Variants in DNAJC1 observed in about 807,000 individuals in gnomAD.
The protein encoded by DNAJC1 is dnaJ homolog subfamily C member 1.
Under a neutral mutation model 76.6 loss-of-function variants are expected in DNAJC1, and 58 were observed. The ratio of observed to expected loss-of-function variants is 0.76; its 90% CI spans 0.61 to 0.94. The LOEUF (loss-of-function observed/expected upper bound fraction) is 0.94. Among genes scored for constraint, DNAJC1 ranks in the 40% least tolerant of loss-of-function variants. The probability of loss-of-function intolerance (pLI) is 0.00; values close to 1 mark genes in which losing one functional copy is unlikely to be tolerated. For missense variants in DNAJC1, 689 were observed against 677.3 expected (o/e 1.02, Z -0.19); for synonymous variants, 258 against 267.9 (o/e 0.96, Z 0.36).
intron 7 of DNAJC1, among the ~76,000 whole-genome samples, chr10:21,899,855 G>A (rs566863944): frequency 7.9e-4 from 120 of 152,284 alleles, no homozygotes; most frequent in Non-Finnish European, 1.5e-3. Context: ...CTGCTGAACC[G>A]CAGAGGCCAC....
In DNAJC1 at chr10:21,891,209, A is replaced by T. The variant is rs751276283; in HGVS notation, c.821-8770T>A. Among the ~76,000 whole-genome samples the T allele has an allele frequency of 9.9e-5, 15 of 152,174 alleles. 1 individual carries two copies. The highest frequency in any genetic ancestry group is 4.1e-4 in the South Asian group (2 of 4,820). On this transcript the variant is annotated intron_variant, in intron 7 of 11. Coordinates refer to ENST00000376980, the MANE Select transcript of DNAJC1 (RefSeq NM_022365.4). ...CATCTCAAAAAAATAAATAAATAAA[A>T]AATTACTTGACTGTGTTATCAAAGC... is the stretch of plus-strand genomic sequence containing the variant.
At chr10:21,840,481 A>G (rs1250903979) in intron 8 of DNAJC1, among the ~76,000 whole-genome samples, 2 of 152,230 alleles carry the variant, frequency 1.3e-5, no homozygotes, top group Non-Finnish European at 2.9e-5. Flanking sequence ...GAGCCAAATC[A>G]TGAGTGAAAT....
chr10:21,999,571 C>T (rs1838483354), intron 1 of DNAJC1, among the ~76,000 whole-genome samples: 1 of 150,470 alleles, frequency 6.6e-6, no homozygotes, highest in South Asian at 2.1e-4. Flanking sequence ...TTCTCTACCT[C>T]AGCCTCCCGA....
intron 9 of DNAJC1, among the ~76,000 whole-genome samples, chr10:21,802,996 A>C (rs948232934): frequency 2.0e-5 from 3 of 152,156 alleles, no homozygotes; most frequent in Non-Finnish European, 2.9e-5. Flanking sequence ...TCTGAATTAA[A>C]ATATACTCGG....
At chr10:21,891,456 A>C (rs1294041769) in intron 7 of DNAJC1, among the ~76,000 whole-genome samples, 2 of 149,930 alleles carry the variant, frequency 1.3e-5, no homozygotes, top group African/African-American at 2.5e-5. Flanking sequence ...TAAAGTGCCC[A>C]ATCTGAAAAA....
intron 9 of DNAJC1, among the ~76,000 whole-genome samples, chr10:21,803,134 T>G (rs1834832344): frequency 6.6e-6 from 1 of 151,890 alleles, no homozygotes; most frequent in South Asian, 2.1e-4. Context: ...AATAAAAAGG[T>G]TTTTAACTGT....
At chr10:21,857,627 G>A (rs954190963) in intron 8 of DNAJC1, among the ~76,000 whole-genome samples, 2 of 152,126 alleles carry the variant, frequency 1.3e-5, no homozygotes, top group South Asian at 2.1e-4. Flanking sequence ...TAGGGGATGT[G>A]TGTATATGTA....
In DNAJC1 at chr10:21,806,030, G is replaced by C; in HGVS notation, c.1048C>G (p.Pro350Ala). 6.2e-7 allele frequency: 1 copy of C among 1,611,876 alleles called. No individual in the cohort carries two copies. Among genetic ancestry groups the C allele is most frequent in the East Asian group, 2.2e-5 (1 of 44,870 alleles). ...TGGGCAATCTTTTCCCATCGACCTG[G>C]AGTCCCTCCTGGGAACTTAACCATA... ...RSMVKFPGGTPGRWEKIAHEL... is the reference protein window; with the variant it reads ...RSMVKFPGGTAGRWEKIAHEL... The change falls in exon 9 of 12, where the codon CCA becomes GCA. Residue 350 changes from proline (P) to alanine (A), a missense_variant. Coordinates refer to ENST00000376980, the MANE Select transcript of DNAJC1 (RefSeq NM_022365.4).
At chr10:21,834,781 C>T (rs1835422591) in intron 8 of DNAJC1, among the ~76,000 whole-genome samples, 2 of 152,184 alleles carry the variant, frequency 1.3e-5, no homozygotes, top group Admixed American at 6.5e-5. Context: ...GGAGGGGCAC[C>T]CGCCATTGCC....
At chr10:21,942,630 C>T (rs921141486) in intron 1 of DNAJC1, among the ~76,000 whole-genome samples, 4 of 151,654 alleles carry the variant, frequency 2.6e-5, no homozygotes, top group Admixed American at 6.6e-5. Context: ...CACAGTGAAA[C>T]GCCGTCTCTA....
intron 8 of DNAJC1, among the ~76,000 whole-genome samples, chr10:21,861,413 T>A (rs886898715): frequency 1.3e-5 from 2 of 152,134 alleles, no homozygotes; most frequent in Non-Finnish European, 2.9e-5. Flanking sequence ...ATTAATATTA[T>A]ATATAAATGA....
At chr10:21,996,682 C>T (rs1399570773) in intron 1 of DNAJC1, among the ~76,000 whole-genome samples, 1 of 151,938 alleles carries the variant, frequency 6.6e-6, no homozygotes, top group Admixed American at 6.6e-5. Context: ...CTGAGAATAG[C>T]ATAAAAGGAA....
intron 1 of DNAJC1, among the ~76,000 whole-genome samples, chr10:21,932,295 G>A (rs1164492983): frequency 2.6e-5 from 4 of 152,126 alleles, no homozygotes; most frequent in Non-Finnish European, 5.9e-5. Flanking sequence ...AGCCACGATT[G>A]CACCACTACA....
intron 1 of DNAJC1, among the ~76,000 whole-genome samples, chr10:21,953,038 C>A (rs1837623604): frequency 6.6e-6 from 1 of 152,106 alleles, no homozygotes; most frequent in African/African-American, 2.4e-5. Flanking sequence ...ATGACAACTT[C>A]CCTTCAATAT....
intron 1 of DNAJC1, among the ~76,000 whole-genome samples, chr10:21,945,878 T>C (rs1323014580): frequency 1.3e-5 from 2 of 152,142 alleles, no homozygotes; most frequent in Non-Finnish European, 2.9e-5. Context: ...AGAGGATCAA[T>C]AGTGATTAAT....
At chr10:21,823,964 A>C (rs917826943) in intron 8 of DNAJC1, among the ~76,000 whole-genome samples, 2 of 152,180 alleles carry the variant, frequency 1.3e-5, no homozygotes, top group Non-Finnish European at 2.9e-5. Context: ...GAGAATAAAA[A>C]CTAGATACAA....
intron 1 of DNAJC1, among the ~76,000 whole-genome samples, chr10:21,978,177 A>G (rs1296589530): frequency 6.6e-6 from 1 of 152,172 alleles, no homozygotes; most frequent in African/African-American, 2.4e-5. Flanking sequence ...TAGGTAATAC[A>G]ATATTCAAAA....
intron 9 of DNAJC1, among the ~76,000 whole-genome samples, chr10:21,802,109 C>T (rs1004115905): frequency 6.6e-6 from 1 of 152,020 alleles, no homozygotes; most frequent in African/African-American, 2.4e-5. Context: ...AACAAACCTG[C>T]ACATGTTTTC....
chr10:21,802,392 T>C (rs766308364), intron 9 of DNAJC1, among the ~76,000 whole-genome samples: 12 of 152,166 alleles, frequency 7.9e-5, no homozygotes, highest in Non-Finnish European at 1.8e-4. Context: ...TTATTTTCCA[T>C]GGAACAGTCC....
Sources: gnomAD v4.1 joint callset for allele counts (sites outside exome capture counted in the v4.1 genomes callset) on GRCh38, gnomAD v4.1.1 for gene constraint, MANE v1.5 for transcripts, NCBI Gene and HGNC (gene_info 2026-07-23, HGNC 2026-07-21) for gene names.